GMDS: variants seen among roughly 807,000 people sequenced by gnomAD.
GMDS encodes GDP-mannose 4,6 dehydratase.
In GMDS, 20 loss-of-function variants were observed where a neutral mutation model predicts 49.9. That is an observed-to-expected ratio of 0.40 (90% CI 0.28 to 0.58). GMDS has a LOEUF of 0.58. Among genes scored for constraint, GMDS ranks in the 20% least tolerant of loss-of-function variants. The pLI is 0.42. For synonymous variants in GMDS, 177 were observed against 178.6 expected, an observed-to-expected ratio of 0.99 and a Z score of 0.07; for missense variants, 362 against 481.4, an observed-to-expected ratio of 0.75 and a Z score of 2.32.
chr6:1,911,553 T>TAA (rs34335896), intron 7 of GMDS, among the ~76,000 whole-genome samples: 17 of 139,314 alleles, frequency 1.2e-4, no homozygotes, highest in East Asian at 1.0e-3. Flanking sequence ...TTTCCCCTAT[T>TAA]AAAAAAAAAA....
At chr6:1,889,836 G>A (rs1230943818) in intron 7 of GMDS, among the ~76,000 whole-genome samples, 1 of 152,072 alleles carries the variant, frequency 6.6e-6, no homozygotes, top group African/African-American at 2.4e-5. Flanking sequence ...CTTGTGTTCT[G>A]GACATTTCAT....
At chr6:2,245,056 T>C (rs1434641523) in intron 1 of GMDS, among the ~76,000 whole-genome samples, 4 of 152,202 alleles carry the variant, frequency 2.6e-5, no homozygotes, top group African/African-American at 9.6e-5. Flanking sequence ...CGGGCGGTCC[T>C]GCCCGGGTGT....
rs548420074 is a variant in GMDS, at chr6:1,624,405, C to T, written c.1056+67G>A. 80 of 1,468,160 alleles carry T rather than the reference C, an allele frequency of 5.4e-5. No homozygotes were observed. The African/African-American group carries it at 9.6e-4, about 18-fold the overall frequency. 90.9% of individuals were successfully genotyped at this position (1,468,160 alleles called of 1,614,324 possible). On this transcript the variant is annotated intron_variant, in intron 10 of 10. Coordinates refer to ENST00000380815, the MANE Select transcript of GMDS (RefSeq NM_001500.4). ...ATCGCAGGCGCCTCAGGCGCCCGAC[C>T]CTGAGAGCTGCCGCCCTGCAGCCCG...
chr6:1,751,300 G>A (rs191987647), intron 7 of GMDS, among the ~76,000 whole-genome samples: 121 of 152,300 alleles, frequency 7.9e-4, no homozygotes, highest in Non-Finnish European at 1.3e-3. Context: ...AGCAGGGGTT[G>A]ACAGACACCT....
At chr6:2,237,731 A>C (rs548827200) in intron 1 of GMDS, among the ~76,000 whole-genome samples, 2 of 152,080 alleles carry the variant, frequency 1.3e-5, no homozygotes, top group Non-Finnish European at 2.9e-5. Flanking sequence ...CACGTTGGCC[A>C]GGGTAGTCTT....
chr6:1,753,459 CACTGT>C (rs1767815940), intron 7 of GMDS, among the ~76,000 whole-genome samples: 1 of 152,146 alleles, frequency 6.6e-6, no homozygotes, highest in Admixed American at 6.5e-5. Context: ...TTTAACACCC[CACTGT>C]CAATATTAGA....
intron 9 of GMDS, among the ~76,000 whole-genome samples, chr6:1,647,698 C>A (rs1190651037): frequency 6.6e-6 from 1 of 152,172 alleles, no homozygotes; most frequent in Non-Finnish European, 1.5e-5. Flanking sequence ...TGAGTCCTCA[C>A]TCTTGTGTGG....
intron 7 of GMDS, among the ~76,000 whole-genome samples, chr6:1,827,337 G>C (rs1214609606): frequency 6.7e-6 from 1 of 148,212 alleles, no homozygotes; most frequent in African/African-American, 2.5e-5. Flanking sequence ...TAGAAAACCT[G>C]TATATACACA....
chr6:2,105,997 C>G (rs1774220907), intron 4 of GMDS, among the ~76,000 whole-genome samples: 1 of 152,182 alleles, frequency 6.6e-6, no homozygotes, highest in Admixed American at 6.5e-5. Flanking sequence ...GTTAACGGAG[C>G]TGTAACATGC....
chr6:1,754,295 T>G (rs538109439), intron 7 of GMDS, among the ~76,000 whole-genome samples: 47 of 152,222 alleles, frequency 3.1e-4, no homozygotes, highest in African/African-American at 1.0e-3. Context: ...AAGAAATGGA[T>G]AAATTCCTGG....
At chr6:1,839,213 G>A (rs935339266) in intron 7 of GMDS, among the ~76,000 whole-genome samples, 2 of 152,130 alleles carry the variant, frequency 1.3e-5, no homozygotes, top group African/African-American at 4.8e-5. Context: ...CAGCCAGAGG[G>A]CATTTATTTT....
At chr6:1,847,956 C>G (rs554542045) in intron 7 of GMDS, among the ~76,000 whole-genome samples, 10 of 152,102 alleles carry the variant, frequency 6.6e-5, no homozygotes, top group Non-Finnish European at 1.5e-4. Context: ...AAGTATAAGA[C>G]ACCCTGGGAG....
chr6:2,243,650 C>T (rs1781716486), intron 1 of GMDS, among the ~76,000 whole-genome samples: 1 of 152,094 alleles, frequency 6.6e-6, no homozygotes, highest in African/African-American at 2.4e-5. Context: ...TTCAATTTCT[C>T]AACCTCAGAT....
chr6:1,718,385 C>T (rs1370049491), intron 9 of GMDS, among the ~76,000 whole-genome samples: 7 of 152,200 alleles, frequency 4.6e-5, no homozygotes, highest in Non-Finnish European at 7.3e-5. Context: ...GTTCCAGCAT[C>T]GTCACCTCCC....
Position 2,120,612 on chromosome 6 carries a change from C to G in GMDS, c.148-3056G>C, listed in dbSNP as rs554966389. ...ATTTTCATATAGTCCCAGATTTTAG[C>G]TTTTAAAGGGTTCAACATTGTCTTT... is the stretch of plus-strand genomic sequence containing the variant. On this transcript the variant is annotated intron_variant, in intron 2 of 10. Coordinates refer to ENST00000380815, the MANE Select transcript of GMDS (RefSeq NM_001500.4). Among the ~76,000 whole-genome samples, 17 of 152,232 alleles carry G rather than the reference C, an allele frequency of 1.1e-4. No individual in the cohort carries two copies. In the South Asian group the frequency reaches 2.3e-3, roughly 20 times the overall value.
intron 4 of GMDS, among the ~76,000 whole-genome samples, chr6:2,105,626 A>G (rs989845807): frequency 6.6e-6 from 1 of 152,266 alleles, no homozygotes; most frequent in African/African-American, 2.4e-5. Context: ...GTGGGTTGAC[A>G]GTCTTGAAGA....
At chr6:1,702,466 A>G (rs760983420) in intron 9 of GMDS, among the ~76,000 whole-genome samples, 1 of 151,208 alleles carries the variant, frequency 6.6e-6, no homozygotes, top group East Asian at 2.1e-4. Flanking sequence ...GCTCGGTTTT[A>G]TAATTTCACT....
chr6:1,678,303 G>A (rs978706583), intron 9 of GMDS, among the ~76,000 whole-genome samples: 1 of 152,150 alleles, frequency 6.6e-6, no homozygotes, highest in African/African-American at 2.4e-5. Flanking sequence ...AGTCCACACC[G>A]CGTCTGTAGC....
chr6:1,828,362 G>A (rs1771214278), intron 7 of GMDS, among the ~76,000 whole-genome samples: 1 of 151,984 alleles, frequency 6.6e-6, no homozygotes, highest in Admixed American at 6.6e-5. Context: ...AGAGAAGAAG[G>A]GGCCAGAAAG....
Sources: allele counts gnomAD v4.1 joint callset (sites outside exome capture counted in the v4.1 genomes callset), GRCh38; gene constraint gnomAD v4.1.1; transcripts MANE v1.5; gene names NCBI Gene and HGNC (gene_info 2026-07-23, HGNC 2026-07-21).